Variants in KLHL14 observed in about 807,000 individuals in gnomAD.
KLHL14 encodes the protein kelch like family member 14, also known as kelch-like protein 14.
Under a neutral mutation model 64.3 loss-of-function variants are expected in KLHL14, and 22 were observed. The ratio of observed to expected loss-of-function variants is 0.34; its 90% CI spans 0.24 to 0.49. KLHL14 has a LOEUF of 0.49. Among genes scored for constraint, KLHL14 ranks in the 20% least tolerant of loss-of-function variants. KLHL14 has a pLI of 0.99. For synonymous variants in KLHL14, 322 were observed against 333.4 expected, an observed-to-expected ratio of 0.97 and a Z score of 0.37; for missense variants, 661 against 789.0, an observed-to-expected ratio of 0.84 and a Z score of 1.94.
chr18:32,704,096 C>T (rs1404287828), intron 3 of KLHL14, among the ~76,000 whole-genome samples: 2 of 152,128 alleles, frequency 1.3e-5, no homozygotes, highest in Non-Finnish European at 2.9e-5. Context: ...AGTAAACCCT[C>T]TAAATGAATT....
chr18:32,676,123 G>GA (rs1329083531), intron 8 of KLHL14, among the ~76,000 whole-genome samples: 2 of 151,904 alleles, frequency 1.3e-5, no homozygotes, highest in Non-Finnish European at 2.9e-5. Flanking sequence ...TGCTAAGAAA[G>GA]AAAAAAGAAG....
rs543895830 is a variant in KLHL14 at position 32,710,970 on chromosome 18, C to G, written c.1070-15418G>C. Among the ~76,000 whole-genome samples the G allele has an allele frequency of 9.2e-5, 14 of 152,234 alleles. No individual in the cohort carries two copies. In the East Asian group the frequency reaches 2.7e-3, roughly 29 times the overall value. The stretch of plus-strand genomic sequence containing the variant: ...GGTGGAGGTCCCTGAATTCCACAAA[C>G]TCTACTGCTCTCAGTAGAAAGGCCT... On this transcript the variant is annotated intron_variant, in intron 3 of 8. Transcript: ENST00000359358.
intron 2 of KLHL14, among the ~76,000 whole-genome samples, chr18:32,764,171 C>T (rs1390442923): frequency 2.0e-5 from 3 of 152,118 alleles, no homozygotes; most frequent in Non-Finnish European, 4.4e-5. Flanking sequence ...TAAATATACT[C>T]GCCTATTTTG....
intron 3 of KLHL14, among the ~76,000 whole-genome samples, chr18:32,721,925 A>G (rs575093133): frequency 6.6e-6 from 1 of 152,146 alleles, no homozygotes; most frequent in Non-Finnish European, 1.5e-5. Context: ...GTCTCCACCC[A>G]AATCTCACCT....
At chr18:32,761,178 C>T (rs2050311836) in intron 2 of KLHL14, among the ~76,000 whole-genome samples, 1 of 152,302 alleles carries the variant, frequency 6.6e-6, no homozygotes, top group African/African-American at 2.4e-5. Flanking sequence ...TGCTGCAGGA[C>T]TCGGCTAACG....
At chr18:32,707,012 G>A (rs2049993919) in intron 3 of KLHL14, among the ~76,000 whole-genome samples, 1 of 152,156 alleles carries the variant, frequency 6.6e-6, no homozygotes, top group Non-Finnish European at 1.5e-5. Context: ...CTAAGCTGGT[G>A]CAGTGGAGGC....
chr18:32,693,659 C>T (rs1040803994), intron 4 of KLHL14, among the ~76,000 whole-genome samples: 2 of 152,086 alleles, frequency 1.3e-5, no homozygotes, highest in African/African-American at 4.8e-5. Context: ...TCATAGAGAG[C>T]CCATGAGTGG....
chr18:32,739,876 C>T (rs1330788246), intron 3 of KLHL14, among the ~76,000 whole-genome samples: 3 of 151,982 alleles, frequency 2.0e-5, no homozygotes, highest in Admixed American at 6.5e-5. Context: ...TTGACTGATG[C>T]CTCTAGGTGT....
At position 32,680,606 on chromosome 18, in the gene KLHL14, T is replaced by C. The variant is rs2144466173; in HGVS notation, c.1239-7A>G. 6.3e-7 allele frequency: 1 copy of C among 1,598,460 alleles called. No homozygotes were observed. The highest frequency in any genetic ancestry group is 1.3e-5 in the African/African-American group (1 of 74,626). ...TGCATAGAAACTGGCTCTTCTACAATGAAAAGAACCCACAGTAAATCACAA... is the reference window on the plus strand; with the variant it reads ...TGCATAGAAACTGGCTCTTCTACAACGAAAAGAACCCACAGTAAATCACAA... On this transcript the variant is annotated splice_polypyrimidine_tract_variant and splice_region_variant and intron_variant, in intron 5 of 8. Coordinates refer to ENST00000359358, the MANE Select transcript of KLHL14 (RefSeq NM_020805.3). The surrounding 1 kb of genome is among the most constrained non-coding windows in gnomAD (Gnocchi z 4.8).
Position 32,770,422 on chromosome 18 carries a change from T to A in KLHL14, c.170A>T (p.Tyr57Phe), listed in dbSNP as rs1329371012. The A allele has an allele frequency of 6.8e-6, 11 of 1,608,628 alleles. No homozygotes were observed. The highest frequency in any genetic ancestry group is 9.3e-6 in the Non-Finnish European group (11 of 1,177,484). Residue 57 changes from tyrosine (Y) to phenylalanine (F), a missense_variant, in exon 2 of 9, where the codon TAC (tyrosine) becomes TTC (phenylalanine). Physicochemically the swap from Tyr to Phe is conservative, Grantham distance 22 (BLOSUM62 3). Coordinates refer to ENST00000359358, the MANE Select transcript of KLHL14 (RefSeq NM_020805.3). The surrounding 1 kb of genome is among the most constrained non-coding windows in gnomAD (Gnocchi z 6.7). ...GTGGCTGGAGAAGAGCGATCGGAAG[T>A]ACTGCGAGCAGGAGGCCAGCACGGC... ...HKAVLASCSQ[Y>F]FRSLFSSHPP...
At chr18:32,714,769 A>G (rs2050036651) in intron 3 of KLHL14, among the ~76,000 whole-genome samples, 1 of 152,190 alleles carries the variant, frequency 6.6e-6, no homozygotes, top group African/African-American at 2.4e-5. Flanking sequence ...CTCACCCTCC[A>G]GAAAAAACAT....
At chr18:32,721,146 T>C (rs1486452851) in intron 3 of KLHL14, among the ~76,000 whole-genome samples, 1 of 152,228 alleles carries the variant, frequency 6.6e-6, no homozygotes, top group Non-Finnish European at 1.5e-5. Context: ...CTGGCCGTTT[T>C]TGAGCACTTC....
At chr18:32,771,399 T>A (rs1364796543) in intron 1 of KLHL14, among the ~76,000 whole-genome samples, 5 of 152,150 alleles carry the variant, frequency 3.3e-5, no homozygotes, top group African/African-American at 4.8e-5. Context: ...TCCCTCAACC[T>A]GGCCCTGCCC....
chr18:32,745,244 A>G lies in KLHL14; in HGVS notation c.948-3195T>C, dbSNP rs2144533885. Reference sequence around the variant, plus strand: ...GTATTTTTTCTCTAAATCTTGTGTTATTCAGTTTTCCAAGCCAGTATCAAT... The same window carrying G: ...GTATTTTTTCTCTAAATCTTGTGTTGTTCAGTTTTCCAAGCCAGTATCAAT... On this transcript the variant is annotated intron_variant, in intron 2 of 8. Transcript: ENST00000359358. 1.3e-5 allele frequency: 2 copies of G among 152,308 alleles called. 1 individual carries two copies. Among genetic ancestry groups the G allele is most frequent in the South Asian group, 4.1e-4 (2 of 4,828 alleles). The allele number at this position is 152,308 out of a possible 1,614,324, so 9.4% of individuals were successfully genotyped here.
chr18:32,693,594 T>C (rs1461357927), intron 4 of KLHL14, among the ~76,000 whole-genome samples: 1 of 152,146 alleles, frequency 6.6e-6, no homozygotes, highest in African/African-American at 2.4e-5. Flanking sequence ...ATAATACTTT[T>C]CAAAAGCACA....
chr18:32,756,463 G>A (rs1452403007), intron 2 of KLHL14, among the ~76,000 whole-genome samples: 1 of 151,892 alleles, frequency 6.6e-6, no homozygotes, highest in Non-Finnish European at 1.5e-5. Flanking sequence ...ACCTTTCTAA[G>A]GTGAGATTAT....
chr18:32,715,931 G>A (rs2050043144), intron 3 of KLHL14, among the ~76,000 whole-genome samples: 1 of 152,194 alleles, frequency 6.6e-6, no homozygotes, highest in South Asian at 2.1e-4. Flanking sequence ...ACACAGTAAT[G>A]AGTTGAAAGA....
At chr18:32,681,434 A>G (rs1451542781) in intron 5 of KLHL14, among the ~76,000 whole-genome samples, 2 of 152,154 alleles carry the variant, frequency 1.3e-5, no homozygotes, top group African/African-American at 4.8e-5. Context: ...TTTTAAAGGA[A>G]GAAGATGTAA....
chr18:32,756,295 C>T (rs1186837630), intron 2 of KLHL14, among the ~76,000 whole-genome samples: 1 of 152,180 alleles, frequency 6.6e-6, no homozygotes, highest in Non-Finnish European at 1.5e-5. Flanking sequence ...AGAGGCTCCG[C>T]AGAAATCAAC....
Sources: allele counts gnomAD v4.1 joint callset (sites outside exome capture counted in the v4.1 genomes callset), GRCh38; gene constraint gnomAD v4.1.1; non-coding constraint Gnocchi (gnomAD v3.1); transcripts MANE v1.5; gene names NCBI Gene and HGNC (gene_info 2026-07-23, HGNC 2026-07-21).